The following MARK1 variants were observed in gnomAD, a reference collection of about 807,000 sequenced individuals.
MARK1 encodes serine/threonine-protein kinase MARK1.
Under a neutral mutation model 96.3 loss-of-function variants are expected in MARK1, and 40 were observed. That is an observed-to-expected ratio of 0.42 (90% CI 0.32 to 0.54). The LOEUF (loss-of-function observed/expected upper bound fraction) is 0.54. MARK1 is among the 20% of genes least tolerant of loss of function. The pLI is 0.16. For missense variants in MARK1, 719 were observed against 984.6 expected (o/e 0.73, Z 3.61); for synonymous variants, 317 against 341.2 (o/e 0.93, Z 0.78).
At chr1:220,534,570 A>G (rs1043694420) in intron 1 of MARK1, among the ~76,000 whole-genome samples, 3 of 152,146 alleles carry the variant, frequency 2.0e-5, no homozygotes, top group Admixed American at 1.3e-4. Context: ...TTCACTTAAC[A>G]TAATGACCTC....
At chr1:220,593,025 A>G (rs1341346466) in intron 3 of MARK1, among the ~76,000 whole-genome samples, 1 of 152,262 alleles carries the variant, frequency 6.6e-6, no homozygotes, top group Non-Finnish European at 1.5e-5. Context: ...TAGATATTCT[A>G]TATGAGTGTA....
In MARK1 at chr1:220,662,416, G is replaced by A. The variant is rs1267868524; in HGVS notation, c.*250G>A. ...TATTGTGTATTTCTGTTCATTTTCT[G>A]TTCATAGAGTTGTATAATAAAACAT... On this transcript the variant is annotated 3_prime_UTR_variant, in exon 18 of 18. Transcript: ENST00000366917. 5.3e-6 allele frequency: 2 copies of A among 377,788 alleles called. No homozygotes were observed. Among genetic ancestry groups the A allele is most frequent in the African/African-American group, 2.0e-5 (1 of 49,854 alleles). The allele number at this position is 377,788 out of a possible 1,614,324, so 23.4% of individuals were successfully genotyped here.
intron 13 of MARK1, 46 bp from the exon 14 acceptor site, chr1:220,650,574 C>CAAATATATTTATGG: frequency 7.9e-7 from 1 of 1,267,516 alleles, no homozygotes; most frequent in Non-Finnish European, 1.1e-6. Context: ...TGGCTTTCCA[C>CAAATATATTTATGG]AAATATATTT....
rs760205356 is a variant in MARK1, at chr1:220,662,096, A to G, written c.2318A>G (p.Lys773Arg). ...CTGTCACTTAATGGGGTTCGCTTCA[A>G]GCGAATATCTGGGACATCTATTGCC... ...PRLSLNGVRFKRISGTSIAFK... is the reference protein window; with the variant it reads ...PRLSLNGVRFRRISGTSIAFK... The change falls in exon 18 of 18, where the codon AAG becomes AGG. Residue 773 changes from lysine (K) to arginine (R), a missense_variant. Coordinates refer to ENST00000366917, the MANE Select transcript of MARK1 (RefSeq NM_018650.5). 19 of 1,614,246 alleles carry G rather than the reference A, an allele frequency of 1.2e-5. No individual in the cohort carries two copies. In the Admixed American group the frequency reaches 2.7e-4, roughly 23 times the overall value.
chr1:220,617,779 C>T (rs1666836760), intron 7 of MARK1, among the ~76,000 whole-genome samples: 1 of 152,110 alleles, frequency 6.6e-6, no homozygotes, highest in South Asian at 2.1e-4. Flanking sequence ...TGAAACAGTA[C>T]TTTGTTGAGA....
At chr1:220,635,703 C>A in intron 12 of MARK1, 130 bp from the exon 13 acceptor site, 2 of 1,140,530 alleles carry the variant, frequency 1.8e-6, no homozygotes, top group Non-Finnish European at 2.4e-6. Flanking sequence ...TTTTTGAAAT[C>A]AAAATTTAAT....
intron 1 of MARK1, among the ~76,000 whole-genome samples, chr1:220,569,050 C>A (rs781705756): frequency 6.6e-6 from 1 of 152,126 alleles, no homozygotes; most frequent in Non-Finnish European, 1.5e-5. Flanking sequence ...TAGTTCTATA[C>A]CATCACCATC....
chr1:220,567,112 A>G (rs1663115842), intron 1 of MARK1, among the ~76,000 whole-genome samples: 1 of 152,152 alleles, frequency 6.6e-6, no homozygotes, highest in East Asian at 1.9e-4. Context: ...AAATGGCAGC[A>G]TATGACACTG....
intron 5 of MARK1, among the ~76,000 whole-genome samples, chr1:220,603,057 A>G (rs999067406): frequency 3.9e-5 from 6 of 152,050 alleles, no homozygotes; most frequent in Admixed American, 1.3e-4. Flanking sequence ...AACAAAATTC[A>G]TACCAAAATT....
chr1:220,528,764 G>A lies in MARK1; in HGVS notation c.-59G>A. The A allele has an allele frequency of 6.0e-6, 9 of 1,496,880 alleles. No individual in the cohort carries two copies. In the South Asian group the frequency reaches 8.6e-5, roughly 14 times the overall value. 92.7% of individuals were successfully genotyped at this position (1,496,880 alleles called of 1,614,324 possible). ...CCGCACCCCTTTCCTGTCGCCCCCC[G>A]GGGCCCGCACCACAGCCCGGCCGGC... is the stretch of plus-strand genomic sequence containing the variant. On this transcript the variant is annotated 5_prime_UTR_variant, in exon 1 of 18. Transcript: ENST00000366917.
intron 7 of MARK1, among the ~76,000 whole-genome samples, chr1:220,617,315 A>G (rs1178595431): frequency 1.3e-5 from 2 of 152,192 alleles, no homozygotes; most frequent in Non-Finnish European, 2.9e-5. Flanking sequence ...ATACCATAAA[A>G]AAGAAGAAAA....
chr1:220,599,484 TCA>T (rs950588821), intron 4 of MARK1, among the ~76,000 whole-genome samples: 4 of 152,132 alleles, frequency 2.6e-5, no homozygotes, highest in African/African-American at 9.6e-5. Context: ...TTTTTAAACT[TCA>T]GTTTAAATTC....
At position 220,630,954 on chromosome 1, in the gene MARK1, T is replaced by C. The variant is rs1010365863; in HGVS notation, c.910-81T>C. 11 of 981,774 alleles carry C rather than the reference T, an allele frequency of 1.1e-5. No individual in the cohort carries two copies. The African/African-American group carries it at 1.8e-4, about 16-fold the overall frequency. The allele number at this position is 981,774 out of a possible 1,614,324, so 60.8% of individuals were successfully genotyped here. The stretch of plus-strand genomic sequence containing the variant: ...TGAAACTTCTTGAGTGAACTAGTAA[T>C]TTTACATTTGCTAAAATAGAGCTAT... On this transcript the variant is annotated intron_variant, in intron 9 of 17. Transcript: ENST00000366917.
chr1:220,656,450 A>G (rs914845460), intron 16 of MARK1, among the ~76,000 whole-genome samples: 1 of 152,182 alleles, frequency 6.6e-6, no homozygotes, highest in Non-Finnish European at 1.5e-5. Flanking sequence ...TATAAATAGG[A>G]CAGAAAAGTC....
chr1:220,622,578 C>T (rs1667104587), intron 9 of MARK1, among the ~76,000 whole-genome samples: 1 of 152,106 alleles, frequency 6.6e-6, no homozygotes, highest in South Asian at 2.1e-4. Flanking sequence ...ATTTGTCTGG[C>T]CGTTCTAAAT....
intron 1 of MARK1, among the ~76,000 whole-genome samples, chr1:220,536,742 C>T (rs550587561): frequency 3.3e-5 from 5 of 152,202 alleles, no homozygotes; most frequent in East Asian, 3.9e-4. Flanking sequence ...CCACCATGGC[C>T]GGCTAATTTT....
At chr1:220,634,395 C>G (rs1049167052) in intron 11 of MARK1, among the ~76,000 whole-genome samples, 1 of 152,158 alleles carries the variant, frequency 6.6e-6, no homozygotes, top group South Asian at 2.1e-4. Flanking sequence ...CACCCCCACC[C>G]CTGCCCTACC....
intron 9 of MARK1, among the ~76,000 whole-genome samples, chr1:220,623,789 C>A (rs2102984935): frequency 6.6e-6 from 1 of 152,234 alleles, no homozygotes. Flanking sequence ...TCATTGTATA[C>A]AATCTGTGTG....
chr1:220,611,394 G>A (rs1238643856), intron 6 of MARK1, among the ~76,000 whole-genome samples: 1 of 152,254 alleles, frequency 6.6e-6, no homozygotes, highest in Non-Finnish European at 1.5e-5. Flanking sequence ...GCACGGGAGA[G>A]AATCACCTTG....
Sources: allele counts gnomAD v4.1 joint callset (sites outside exome capture counted in the v4.1 genomes callset), GRCh38; gene constraint gnomAD v4.1.1; transcripts MANE v1.5; gene names NCBI Gene and HGNC (gene_info 2026-07-23, HGNC 2026-07-21).